The following MTUS1 variants were observed in gnomAD, a reference collection of about 807,000 sequenced individuals.
The protein encoded by MTUS1 is microtubule-associated tumor suppressor 1.
Under a neutral mutation model 120.8 loss-of-function variants are expected in MTUS1, and 109 were observed. The observed-to-expected ratio is 0.90, with a 90% CI of 0.77 to 1.06. The LOEUF (loss-of-function observed/expected upper bound fraction) is 1.06, where lower values mean the gene tolerates loss of function less well. Ranked by LOEUF, MTUS1 falls within the 50% of genes least tolerant of loss-of-function variation. The probability of loss-of-function intolerance (pLI) is 0.00; values close to 1 mark genes in which losing one functional copy is unlikely to be tolerated. For synonymous variants in MTUS1, 737 were observed against 550.5 expected (o/e 1.34, Z -4.74); for missense variants, 2,210 against 1,486.3 (o/e 1.49, Z -8.01).
At chr8:17,650,602 C>G (rs1246386089) in intron 12 of MTUS1, among the ~76,000 whole-genome samples, 1 of 152,174 alleles carries the variant, frequency 6.6e-6, no homozygotes, top group East Asian at 1.9e-4. Flanking sequence ...CCCAGCTACT[C>G]AGGAGGCTGA....
intron 1 of MTUS1, among the ~76,000 whole-genome samples, chr8:17,772,439 A>G (rs1385696012): frequency 6.6e-6 from 1 of 152,186 alleles, no homozygotes; most frequent in African/African-American, 2.4e-5. Flanking sequence ...ATTTAAAGAG[A>G]TTCATAATTA....
chr8:17,789,103 G>C (rs142265054), intron 1 of MTUS1, among the ~76,000 whole-genome samples: 2 of 151,658 alleles, frequency 1.3e-5, no homozygotes, highest in African/African-American at 4.8e-5. Context: ...CACGATCTCA[G>C]CTCACCACAA....
At chr8:17,686,417 T>C (rs1419299048) in intron 6 of MTUS1, among the ~76,000 whole-genome samples, 2 of 152,266 alleles carry the variant, frequency 1.3e-5, no homozygotes, top group African/African-American at 2.4e-5. Context: ...CTATGTGTTA[T>C]ATAACTTTAT....
intron 6 of MTUS1, among the ~76,000 whole-genome samples, chr8:17,711,301 GT>G (rs1821251061): frequency 6.6e-6 from 1 of 152,200 alleles, no homozygotes; most frequent in Non-Finnish European, 1.5e-5. Flanking sequence ...AATGTCTGTT[GT>G]TTTGTGTAGC....
chr8:17,729,986 A>G (rs79412923), intron 3 of MTUS1, among the ~76,000 whole-genome samples: 1 of 87,240 alleles, frequency 1.1e-5, no homozygotes, highest in Non-Finnish European at 2.5e-5. Context: ...GCTATCATCA[A>G]AAAAAAAAAA....
chr8:17,723,747 G>C lies in MTUS1; in HGVS notation c.2374C>G (p.Pro792Ala). Residue 792 changes from proline (P) to alanine (A), a missense_variant, in exon 4 of 15, where the codon CCT (proline) becomes GCT (alanine). Physicochemically the swap from Pro to Ala is conservative, Grantham distance 27. Transcript: ENST00000693296. ...LPKSKASLKSPALRRTGSTPS... is the reference protein window; with the variant it reads ...LPKSKASLKSAALRRTGSTPS... Reference sequence around the variant, plus strand: ...GTGCTTCCTGTCCTCCGCAGCGCAGGACTTTTCAAAGATGCTTTGGATTTA... The same window carrying C: ...GTGCTTCCTGTCCTCCGCAGCGCAGCACTTTTCAAAGATGCTTTGGATTTA... 3 of 1,610,674 alleles carry C rather than the reference G, an allele frequency of 1.9e-6. No homozygotes were observed. The highest frequency in any genetic ancestry group is 2.5e-6 in the Non-Finnish European group (3 of 1,177,706).
chr8:17,657,058 C>CAAAA (rs1219286349), intron 8 of MTUS1, among the ~76,000 whole-genome samples: 13 of 56,670 alleles, frequency 2.3e-4, no homozygotes, highest in African/African-American at 2.9e-4. Flanking sequence ...GATTCTGTCT[C>CAAAA]AAAAAAAAAA....
In MTUS1 at chr8:17,656,084, G is replaced by A. The variant is rs935668833; in HGVS notation, c.2906-19C>T. 1.7e-5 allele frequency: 27 copies of A among 1,606,532 alleles called. No individual in the cohort carries two copies. Among genetic ancestry groups the A allele is most frequent in the Middle Eastern group, 1.7e-4 (1 of 6,048 alleles). ...GCAGTGACTGAAAACAGAGGAGAAA[G>A]AAGAGGGAAGAGGTCATTTTATTTG... On this transcript the variant is annotated intron_variant, in intron 8 of 14. Transcript: ENST00000693296.
chr8:17,721,653 T>C (rs1563265834), intron 4 of MTUS1: 2 of 1,504,726 alleles, frequency 1.3e-6, no homozygotes, highest in Non-Finnish European at 1.8e-6. Flanking sequence ...TAAATCAATT[T>C]ATTGAATAAA....
At chr8:17,714,808 G>C (rs1169553943) in intron 5 of MTUS1, among the ~76,000 whole-genome samples, 1 of 151,328 alleles carries the variant, frequency 6.6e-6, no homozygotes, top group Non-Finnish European at 1.5e-5. Context: ...ACATAAATGT[G>C]GGTCTCATTT....
chr8:17,778,034 G>T (rs778004975), intron 1 of MTUS1, among the ~76,000 whole-genome samples: 4 of 152,164 alleles, frequency 2.6e-5, no homozygotes, highest in Admixed American at 1.3e-4. Context: ...TGGGGGTATG[G>T]AGCTGTGGGT....
In MTUS1 at chr8:17,645,810, C is replaced by G. The variant is rs1196948310; in HGVS notation, c.*116G>C. 7.2e-7 allele frequency: 1 copy of G among 1,391,096 alleles called. No homozygotes were observed. The highest frequency in any genetic ancestry group is 9.5e-7 in the Non-Finnish European group (1 of 1,047,854). The allele number at this position is 1,391,096 out of a possible 1,614,324, so 86.2% of individuals were successfully genotyped here. On this transcript the variant is annotated 3_prime_UTR_variant, in exon 15 of 15. Coordinates refer to ENST00000693296, the MANE Select transcript of MTUS1 (RefSeq NM_001363059.2). ...CCGCCGGTGGTGACGCTCCAGTTAC[C>G]CTACGGTGATCACACGTGTGCTGAT...
At chr8:17,662,081 C>T (rs190891313) in intron 8 of MTUS1, among the ~76,000 whole-genome samples, 7 of 152,130 alleles carry the variant, frequency 4.6e-5, no homozygotes, top group Non-Finnish European at 1.0e-4. Flanking sequence ...TGCATAACCC[C>T]GATTTTAGGC....
Position 17,790,113 on chromosome 8 carries a change from T to C in MTUS1, c.-155+10948A>G, listed in dbSNP as rs942830280. The stretch of plus-strand genomic sequence containing the variant: ...CCTGTAATCCCAGCACTTTGGGAGG[T>C]TGAGGCAGGTGGATCACAAGATCAG... On this transcript the variant is annotated intron_variant, in intron 1 of 14. Transcript: ENST00000693296. Among the ~76,000 whole-genome samples the C allele has an allele frequency of 8.6e-5, 13 of 151,830 alleles. No individual in the cohort carries two copies. The East Asian group carries it at 2.5e-3, about 30-fold the overall frequency.
Position 17,754,446 on chromosome 8 carries a change from C to G in MTUS1, c.1362G>C (p.Val454=), listed in dbSNP as rs771814143. 2 of 1,614,084 alleles carry G rather than the reference C, an allele frequency of 1.2e-6. No individual in the cohort carries two copies. The change falls in exon 2 of 15, where the codon GTG becomes GTC. Residue 454 remains valine (V), a synonymous_variant. Coordinates refer to ENST00000693296, the MANE Select transcript of MTUS1 (RefSeq NM_001363059.2). ...TTTTAAGCCCTCGATTACCCTTCTC[C>G]ACTTTCTTACATTTCTCCGTCGCTT... The part of the protein sequence containing the change: ...PIEATEKCKK[V]EKGNRGLKNI...
At chr8:17,656,723 C>T (rs1388451755) in intron 8 of MTUS1, among the ~76,000 whole-genome samples, 1 of 151,990 alleles carries the variant, frequency 6.6e-6, no homozygotes, top group Admixed American at 6.6e-5. Flanking sequence ...CTCCCTCTCC[C>T]AGCCAGCCAG....
intron 8 of MTUS1, among the ~76,000 whole-genome samples, chr8:17,669,644 G>A (rs113014470): frequency 5.9e-5 from 9 of 152,172 alleles, no homozygotes; most frequent in African/African-American, 1.9e-4. Context: ...TCAGGAGTTC[G>A]AGACCAGCCT....
chr8:17,758,732 T>C (rs578205570), intron 1 of MTUS1, among the ~76,000 whole-genome samples: 1 of 152,314 alleles, frequency 6.6e-6, no homozygotes, highest in South Asian at 2.1e-4. Context: ...AAACACGCAC[T>C]TAGCATAGAT....
At chr8:17,800,059 T>C (rs2052556736) in intron 1 of MTUS1, among the ~76,000 whole-genome samples, 1 of 152,208 alleles carries the variant, frequency 6.6e-6, no homozygotes, top group African/African-American at 2.4e-5. Context: ...GCAAACTGTC[T>C]ACAGAATTGC....
Sources: allele counts gnomAD v4.1 joint callset (sites outside exome capture counted in the v4.1 genomes callset), GRCh38; gene constraint gnomAD v4.1.1; transcripts MANE v1.5; gene names NCBI Gene and HGNC (gene_info 2026-07-23, HGNC 2026-07-21).